Variants in PAK2 observed in about 807,000 individuals in gnomAD.
PAK2 encodes p21 (RAC1) activated kinase 2, also known as serine/threonine-protein kinase PAK 2.
PAK2 carries 21 observed loss-of-function variants against 65.9 expected under a neutral mutation model. That is an observed-to-expected ratio of 0.32 (90% CI 0.23 to 0.46). The LOEUF (loss-of-function observed/expected upper bound fraction) is 0.46, where lower values mean the gene tolerates loss of function less well. Ranked by LOEUF, PAK2 falls within the 20% of genes least tolerant of loss-of-function variation. The probability of loss-of-function intolerance (pLI) is 1.00; values close to 1 mark genes in which losing one functional copy is unlikely to be tolerated. For missense variants in PAK2, 324 were observed against 642.6 expected, an observed-to-expected ratio of 0.50 and a Z score of 5.36; for synonymous variants, 204 against 219.7, an observed-to-expected ratio of 0.93 and a Z score of 0.63.
Position 196,817,288 on chromosome 3 carries a change from C to T in PAK2, c.1054-769C>T, listed in dbSNP as rs995163002. On this transcript the variant is annotated intron_variant, in intron 11 of 14. Coordinates refer to ENST00000327134, the MANE Select transcript of PAK2 (RefSeq NM_002577.4). ...CAAGGGATTCTCCTGCCTCAGCCAC[C>T]CAAGTAGCTGGGATTACAGGCCTGA... Among the ~76,000 whole-genome samples the T allele has an allele frequency of 5.1e-4, 77 of 151,524 alleles. 1 individual carries two copies. The highest frequency in any genetic ancestry group is 1.7e-3 in the African/African-American group (71 of 41,298).
At chr3:196,801,227 G>A (rs1226447294) in intron 2 of PAK2, among the ~76,000 whole-genome samples, 1 of 152,194 alleles carries the variant, frequency 6.6e-6, no homozygotes, top group Non-Finnish European at 1.5e-5. Context: ...CCTGATGAAT[G>A]TAGCTGAGTG....
At chr3:196,766,776 G>T (rs547920613) in intron 1 of PAK2, among the ~76,000 whole-genome samples, 107 of 144,842 alleles carry the variant, frequency 7.4e-4, no homozygotes, top group African/African-American at 2.7e-3. Flanking sequence ...GGATGGTGAT[G>T]GATGTCTTAA....
At chr3:196,783,673 G>C (rs750448812) in intron 2 of PAK2, among the ~76,000 whole-genome samples, 2 of 151,544 alleles carry the variant, frequency 1.3e-5, no homozygotes, top group Non-Finnish European at 2.9e-5. Context: ...TACCTCTGAA[G>C]TCCCCATCTG....
chr3:196,793,725 C>T (rs1260429364), intron 2 of PAK2, among the ~76,000 whole-genome samples: 4 of 152,070 alleles, frequency 2.6e-5, no homozygotes, highest in Non-Finnish European at 5.9e-5. Flanking sequence ...GAAAAGAGTT[C>T]GCAGAGAAAG....
Position 196,820,637 on chromosome 3 carries a change from C to A in PAK2, c.1350+70C>A. The A allele has an allele frequency of 2.5e-6, 2 of 807,690 alleles. No homozygotes were observed. Among genetic ancestry groups the A allele is most frequent in the Non-Finnish European group, 3.9e-6 (2 of 515,074 alleles). The allele number at this position is 807,690 out of a possible 1,614,324, so 50.0% of individuals were successfully genotyped here. On this transcript the variant is annotated intron_variant, in intron 13 of 14. Coordinates refer to ENST00000327134, the MANE Select transcript of PAK2 (RefSeq NM_002577.4). This position sits in a 1 kb window ranked among gnomAD's most constrained non-coding sequence, Gnocchi z 4.6. ...AACTCTTATTTAGAACTTGCACGTG[C>A]CTGGCACTGTCCAAGAATTTAAAGT...
chr3:196,807,281 A>G (rs1252550953), intron 6 of PAK2, among the ~76,000 whole-genome samples: 4 of 152,180 alleles, frequency 2.6e-5, no homozygotes, highest in Admixed American at 2.6e-4. Context: ...GGCAGAGCTC[A>G]GGAGACAGCC....
At chr3:196,819,905 A>G (rs1470568) in intron 12 of PAK2, among the ~76,000 whole-genome samples, 57,875 of 151,978 alleles carry the variant, frequency 0.38, 11,479 homozygotes, top group African/African-American at 0.49. Flanking sequence ...TGGGAGGCCA[A>G]GGTGGGAAGA....
chr3:196,763,588 C>T (rs764633737), intron 1 of PAK2, among the ~76,000 whole-genome samples: 7 of 151,894 alleles, frequency 4.6e-5, no homozygotes, highest in South Asian at 2.1e-4. Flanking sequence ...AGCTCAGAGA[C>T]GGAGCAGAGG....
In PAK2 at chr3:196,791,172, G is replaced by A. The variant is rs949710525; in HGVS notation, c.187+8339G>A. On this transcript the variant is annotated intron_variant, in intron 2 of 14. Coordinates refer to ENST00000327134, the MANE Select transcript of PAK2 (RefSeq NM_002577.4). This position sits in a 1 kb window ranked among gnomAD's most constrained non-coding sequence, Gnocchi z 4.0. ...ATAAGAGTATTAAAGACATTCTGTT[G>A]GTATAGCAATATCTTTCCAGCACAT... Among the ~76,000 whole-genome samples the A allele has an allele frequency of 6.6e-6, 1 of 152,062 alleles. No individual in the cohort carries two copies. The highest frequency in any genetic ancestry group is 1.5e-5 in the Non-Finnish European group (1 of 68,012).
intron 11 of PAK2, among the ~76,000 whole-genome samples, chr3:196,815,246 T>C (rs62409458): frequency 6.6e-6 from 1 of 151,562 alleles, no homozygotes; most frequent in South Asian, 2.1e-4. Flanking sequence ...ATCCTAGCAC[T>C]TTGGGAGGCC....
intron 1 of PAK2, among the ~76,000 whole-genome samples, chr3:196,774,321 C>T (rs1577712910): frequency 6.6e-6 from 1 of 152,244 alleles, no homozygotes; most frequent in East Asian, 1.9e-4. Context: ...TAACCACTTA[C>T]TTTTGGGTAA....
intron 1 of PAK2, among the ~76,000 whole-genome samples, chr3:196,777,595 G>A (rs1389701023): frequency 6.6e-6 from 1 of 152,178 alleles, no homozygotes; most frequent in Non-Finnish European, 1.5e-5. Flanking sequence ...ATGTTGACAA[G>A]TGTAAAGGGT....
chr3:196,801,359 C>T (rs1237607266), intron 2 of PAK2, among the ~76,000 whole-genome samples: 2 of 152,120 alleles, frequency 1.3e-5, no homozygotes, highest in African/African-American at 2.4e-5. Context: ...TCAGGCCTGC[C>T]GTTGGTCACT....
At chr3:196,750,641 TTG>T (rs1713543234) in intron 1 of PAK2, among the ~76,000 whole-genome samples, 1 of 152,164 alleles carries the variant, frequency 6.6e-6, no homozygotes, top group African/African-American at 2.4e-5. Flanking sequence ...CTGTTTTTTG[TTG>T]TGTCTTTTTA....
intron 7 of PAK2, among the ~76,000 whole-genome samples, chr3:196,810,170 C>A (rs932239627): frequency 2.6e-5 from 4 of 151,742 alleles, no homozygotes; most frequent in African/African-American, 9.7e-5. Flanking sequence ...ATATCTATTT[C>A]TATATTCAAA....
At chr3:196,800,774 G>C (rs1197392013) in intron 2 of PAK2, among the ~76,000 whole-genome samples, 1 of 152,152 alleles carries the variant, frequency 6.6e-6, no homozygotes, top group Non-Finnish European at 1.5e-5. Flanking sequence ...CACTGGAAAT[G>C]CTGAGGGTTC....
At chr3:196,749,354 G>A (rs965614286) in intron 1 of PAK2, among the ~76,000 whole-genome samples, 36 of 151,990 alleles carry the variant, frequency 2.4e-4, no homozygotes, top group Admixed American at 2.4e-3. Context: ...ATCACTTCAC[G>A]TTTCCACCAG....
intron 1 of PAK2, among the ~76,000 whole-genome samples, chr3:196,741,529 C>G (rs908258910): frequency 1.3e-5 from 2 of 152,206 alleles, no homozygotes; most frequent in African/African-American, 4.8e-5. Context: ...ATTAGCCAAG[C>G]ACATTGATTG....
intron 1 of PAK2, among the ~76,000 whole-genome samples, chr3:196,773,830 C>A (rs973902491): frequency 6.6e-6 from 1 of 152,074 alleles, no homozygotes; most frequent in African/African-American, 2.4e-5. Context: ...CAAGATCACG[C>A]CACTGCACTC....
Sources: gnomAD v4.1 joint callset for allele counts (sites outside exome capture counted in the v4.1 genomes callset) on GRCh38, gnomAD v4.1.1 for gene constraint, Gnocchi (gnomAD v3.1) non-coding constraint, MANE v1.5 for transcripts, NCBI Gene and HGNC (gene_info 2026-07-23, HGNC 2026-07-21) for gene names.